The following RFWD3 variants were observed in gnomAD, a reference collection of about 807,000 sequenced individuals.
RFWD3 encodes E3 ubiquitin-protein ligase RFWD3.
A neutral mutation model predicts 87.7 loss-of-function variants in RFWD3; 65 were observed. That is an observed-to-expected ratio of 0.74 (90% CI 0.61 to 0.91). The LOEUF is 0.91. Among genes scored for constraint, RFWD3 ranks in the 40% least tolerant of loss-of-function variants. The probability of loss-of-function intolerance (pLI) is 0.00; values close to 1 mark genes in which losing one functional copy is unlikely to be tolerated. For missense variants in RFWD3, 1,078 were observed against 938.5 expected (o/e 1.15, Z -1.94); for synonymous variants, 433 against 352.8 (o/e 1.23, Z -2.55).
intron 2 of RFWD3, among the ~76,000 whole-genome samples, chr16:74,655,309 G>T (rs966751078): frequency 6.6e-6 from 1 of 151,438 alleles, no homozygotes; most frequent in Admixed American, 6.6e-5. Context: ...GCGTGATCTC[G>T]GCTCACTGCA....
intron 4 of RFWD3, among the ~76,000 whole-genome samples, chr16:74,647,669 G>A (rs747635398): frequency 1.3e-5 from 2 of 152,098 alleles, no homozygotes; most frequent in Non-Finnish European, 2.9e-5. Flanking sequence ...TGGGCTCACT[G>A]CAACTTCTGC....
chr16:74,623,852 G>C lies in RFWD3; in HGVS notation c.*76C>G. On this transcript the variant is annotated 3_prime_UTR_variant, in exon 13 of 13. Coordinates refer to ENST00000361070, the MANE Select transcript of RFWD3 (RefSeq NM_018124.4). Reference sequence around the variant, plus strand: ...TTCTAGACTGCAGACAATAAACAGGGATCTTGCTTGGGGCTGCTAGGCGCT... The same window carrying C: ...TTCTAGACTGCAGACAATAAACAGGCATCTTGCTTGGGGCTGCTAGGCGCT... 6.8e-7 allele frequency: 1 copy of C among 1,477,668 alleles called. No individual in the cohort carries two copies. The highest frequency in any genetic ancestry group is 9.4e-7 in the Non-Finnish European group (1 of 1,068,840). 91.5% of individuals were successfully genotyped at this position (1,477,668 alleles called of 1,614,324 possible).
At chr16:74,666,221 G>C (rs1374101610) in intron 1 of RFWD3, 2 of 135,840 alleles carry the variant, frequency 1.5e-5, no homozygotes, top group Non-Finnish European at 3.0e-5. Context: ...TAGATAGATA[G>C]ATTGATTAGA....
At chr16:74,649,420 G>T (rs1429051091) in intron 3 of RFWD3, among the ~76,000 whole-genome samples, 1 of 152,090 alleles carries the variant, frequency 6.6e-6, no homozygotes, top group East Asian at 1.9e-4. Context: ...AAAGTACACA[G>T]AACAGTATAG....
intron 6 of RFWD3, among the ~76,000 whole-genome samples, chr16:74,643,781 TTCTCCTG>T (rs895481222): frequency 6.7e-6 from 1 of 148,796 alleles, no homozygotes; most frequent in Non-Finnish European, 1.5e-5. Flanking sequence ...GTTCACGCCA[TTCTCCTG>T]TCTCAGCCTC....
intron 12 of RFWD3, among the ~76,000 whole-genome samples, chr16:74,625,579 G>A (rs1172779159): frequency 6.6e-6 from 1 of 150,462 alleles, no homozygotes; most frequent in Non-Finnish European, 1.5e-5. Context: ...TTTTTCTTCT[G>A]CCATTGACTT....
chr16:74,637,964 T>G lies in RFWD3; in HGVS notation c.1086A>C (p.Leu362=). The change falls in exon 7 of 13, where the codon CTA becomes CTC. Residue 362 remains leucine, a synonymous_variant. Transcript: ENST00000361070. ...GTTTCCTTAGCATCTGTTCCTTCAG[T>G]AGGGAACTAGAGGGGGAAAGCCAGC... is the stretch of plus-strand genomic sequence containing the variant. The part of the protein sequence containing the change: ...TSEQERMKSS[L]LKEQMLRKQA... 6.2e-7 allele frequency: 1 copy of G among 1,608,142 alleles called. No homozygotes were observed. Among genetic ancestry groups the G allele is most frequent in the Non-Finnish European group, 8.5e-7 (1 of 1,177,286 alleles).
intron 12 of RFWD3, 104 bp downstream of exon 12, chr16:74,626,239 C>G (rs1958928185): frequency 1.0e-6 from 1 of 1,004,770 alleles, no homozygotes; most frequent in Admixed American, 1.9e-5. Context: ...AGAACTTACA[C>G]TTTTTTGCTA....
At chr16:74,650,559 A>T (rs778467224) in intron 3 of RFWD3, among the ~76,000 whole-genome samples, 17 of 152,264 alleles carry the variant, frequency 1.1e-4, no homozygotes, top group Non-Finnish European at 5.9e-5. Flanking sequence ...TCAACCCTGC[A>T]ACCTAATGGT....
chr16:74,659,503 A>G (rs781217983), intron 2 of RFWD3, among the ~76,000 whole-genome samples: 1 of 152,140 alleles, frequency 6.6e-6, no homozygotes, highest in Non-Finnish European at 1.5e-5. Flanking sequence ...GCTGAGGCAC[A>G]AGAATCGCTT....
chr16:74,664,932 A>G (rs193019283), intron 1 of RFWD3, among the ~76,000 whole-genome samples: 1 of 152,240 alleles, frequency 6.6e-6, no homozygotes, highest in Non-Finnish European at 1.5e-5. Flanking sequence ...TAACCACTGT[A>G]GGCCAGTCGG....
At chr16:74,646,903 TCAACAACAACAACAACAA>T (rs71376295) in intron 4 of RFWD3, among the ~76,000 whole-genome samples, 5 of 150,124 alleles carry the variant, frequency 3.3e-5, no homozygotes, top group African/African-American at 4.9e-5. Context: ...AAACCCCGTC[TCAACAACAACAACAACAA>T]CAACAACAAC....
Position 74,663,891 on chromosome 16 carries a change from G to C in RFWD3, c.-2-2440C>G, listed in dbSNP as rs1158429124. On this transcript the variant is annotated intron_variant, in intron 1 of 12. Transcript: ENST00000361070. ...CCACAAAAGGCAATATTGAAAGATG[G>C]CGCTAAAAGAGAAGGGCTGGTTAAA... Among the ~76,000 whole-genome samples the C allele has an allele frequency of 2.0e-5, 3 of 152,126 alleles. No homozygotes were observed. In the East Asian group the frequency reaches 5.8e-4, roughly 29 times the overall value.
At position 74,628,774 on chromosome 16, in the gene RFWD3, G is replaced by A. The variant is rs185861463; in HGVS notation, c.1755-108C>T. ...CCCACCTCTGCAGAGGAGGTTAAAC[G>A]CCTTTAGTCACTATCCTCTGATATC... On this transcript the variant is annotated intron_variant, in intron 10 of 12. Transcript: ENST00000361070. 3.3e-5 allele frequency: 29 copies of A among 867,086 alleles called. No individual in the cohort carries two copies. The Admixed American group carries it at 4.7e-4, about 14-fold the overall frequency. 53.7% of individuals were successfully genotyped at this position (867,086 alleles called of 1,614,324 possible).
At chr16:74,651,554 A>G (rs1960567947) in intron 3 of RFWD3, among the ~76,000 whole-genome samples, 2 of 152,148 alleles carry the variant, frequency 1.3e-5, no homozygotes, top group Admixed American at 1.3e-4. Context: ...AAGAAGCGGA[A>G]GTTGCAGTAA....
chr16:74,661,020 G>A lies in RFWD3; in HGVS notation c.430C>T (p.His144Tyr). 2 of 1,614,190 alleles carry A rather than the reference G, an allele frequency of 1.2e-6. No individual in the cohort carries two copies. Among genetic ancestry groups the A allele is most frequent in the Non-Finnish European group, 1.7e-6 (2 of 1,180,038 alleles). ...LEFLRPSSSN[H>Y]SVGPMRTRRR... ...CTTGTTCTCATTGGCCCTACACTGT[G>A]GTTTGAAGATGAAGGTCTCAGGAAT... is the stretch of plus-strand genomic sequence containing the variant. Residue 144 changes from histidine to tyrosine, a missense_variant, in exon 2 of 13, where the codon CAC becomes TAC. Transcript: ENST00000361070.
intron 7 of RFWD3, among the ~76,000 whole-genome samples, chr16:74,637,524 T>C (rs941564059): frequency 6.6e-6 from 1 of 151,972 alleles, no homozygotes; most frequent in African/African-American, 2.4e-5. Context: ...CACCTCGAGA[T>C]GCTGAGGCTG....
intron 1 of RFWD3, among the ~76,000 whole-genome samples, chr16:74,664,900 C>T (rs930060189): frequency 8.5e-5 from 13 of 152,176 alleles, no homozygotes; most frequent in African/African-American, 3.1e-4. Flanking sequence ...TGGAACGGTG[C>T]AGTTCTGGAG....
chr16:74,639,414 C>G (rs1471611096), intron 6 of RFWD3, among the ~76,000 whole-genome samples: 1 of 152,168 alleles, frequency 6.6e-6, no homozygotes, highest in Non-Finnish European at 1.5e-5. Flanking sequence ...ATGGGGCCAC[C>G]ATCGTATATG....
Sources: allele counts gnomAD v4.1 joint callset (sites outside exome capture counted in the v4.1 genomes callset), GRCh38; gene constraint gnomAD v4.1.1; transcripts MANE v1.5; gene names NCBI Gene and HGNC (gene_info 2026-07-23, HGNC 2026-07-21).